The following NAV2 variants were observed in gnomAD, a reference collection of about 807,000 sequenced individuals.
NAV2 encodes the protein helicase, APC down-regulated 1.
NAV2 carries 54 observed loss-of-function variants against 223.2 expected under a neutral mutation model. That is an observed-to-expected ratio of 0.24 (90% CI 0.19 to 0.30). The LOEUF is 0.30. Among genes scored for constraint, NAV2 ranks in the 10% least tolerant of loss-of-function variants. NAV2 has a pLI of 1.00. For synonymous variants in NAV2, 1,279 were observed against 1,239.3 expected (o/e 1.03, Z -0.67); for missense variants, 2,806 against 3,147.5 (o/e 0.89, Z 2.60).
At chr11:19,410,099 A>C (rs1163744702) in intron 1 of NAV2, among the ~76,000 whole-genome samples, 5 of 152,020 alleles carry the variant, frequency 3.3e-5, no homozygotes, top group Non-Finnish European at 7.4e-5. Flanking sequence ...TTTCCACCCT[A>C]CCCATTTCCT....
At chr11:19,895,502 C>T (rs1450632126) in intron 6 of NAV2, among the ~76,000 whole-genome samples, 1 of 152,176 alleles carries the variant, frequency 6.6e-6, no homozygotes, top group Admixed American at 6.5e-5. Context: ...GGTAACTAAG[C>T]ACTGGAATTG....
intron 31 of NAV2, among the ~76,000 whole-genome samples, chr11:20,100,208 C>A (rs2061533267): frequency 6.6e-6 from 1 of 152,090 alleles, no homozygotes; most frequent in African/African-American, 2.4e-5. Flanking sequence ...CCAAAAGATA[C>A]CCCTTTTGAA....
chr11:19,362,965 C>A (rs1230447565), intron 1 of NAV2, among the ~76,000 whole-genome samples: 1 of 152,164 alleles, frequency 6.6e-6, no homozygotes, highest in African/African-American at 2.4e-5. Context: ...ATTGTCTTTA[C>A]AACAATCTGA....
At chr11:19,930,303 G>C (rs893449374) in intron 6 of NAV2, among the ~76,000 whole-genome samples, 1 of 152,088 alleles carries the variant, frequency 6.6e-6, no homozygotes, top group African/African-American at 2.4e-5. Context: ...TTCTAGCTGC[G>C]ATTGTTAGTG....
Position 19,706,726 on chromosome 11 carries a change from G to A in NAV2, c.76-125758G>A, listed in dbSNP as rs116208619. The stretch of plus-strand genomic sequence containing the variant: ...GATGGCTTGCAACAATTTATTCCTT[G>A]TATTAATTATTGAGCCACTGATTAA... On this transcript the variant is annotated intron_variant, in intron 1 of 37. Coordinates refer to the NAV2 transcript ENST00000360655. 3.6e-3 allele frequency among the ~76,000 whole-genome samples: 548 copies of A among 152,276 alleles called. 2 individuals are homozygous for A. Among genetic ancestry groups the A allele is most frequent in the African/African-American group, 0.013 (530 of 41,558 alleles).
chr11:19,973,853 T>C (rs2049466812), intron 10 of NAV2, among the ~76,000 whole-genome samples: 1 of 152,214 alleles, frequency 6.6e-6, no homozygotes, highest in Non-Finnish European at 1.5e-5. Context: ...GAATTCAGCA[T>C]GCCTAATACT....
chr11:20,116,047 A>C (rs2063062996), intron 37 of NAV2, among the ~76,000 whole-genome samples: 2 of 152,382 alleles, frequency 1.3e-5, no homozygotes, highest in South Asian at 4.1e-4. Context: ...TAAAATAAAA[A>C]GGAAGCAAAT....
chr11:19,842,319 C>T (rs747007998), intron 2 of NAV2, among the ~76,000 whole-genome samples: 7 of 152,130 alleles, frequency 4.6e-5, no homozygotes, highest in African/African-American at 1.7e-4. Flanking sequence ...TACTGTGTGG[C>T]GTTGGTCAAG....
chr11:19,934,113 C>T lies in NAV2; in HGVS notation c.1869C>T (p.Gly623=), dbSNP rs1481967648. 2 of 1,614,024 alleles carry T rather than the reference C, an allele frequency of 1.2e-6. No homozygotes were observed. The highest frequency in any genetic ancestry group is 1.7e-6 in the Non-Finnish European group (2 of 1,179,952). ...GCCTGGCGTCCTCAGAAGGAAAAGG[C>T]CCAGGAGGGACCACCCTGAACCACA... ...SSSLASSEGK[G]PGGTTLNHSI... is the part of the protein sequence containing the mutation. Residue 623 remains glycine, a synonymous_variant, in exon 7 of 38, where the codon GGC becomes GGT. Transcript: ENST00000349880.
At chr11:19,846,893 G>A (rs1283263716) in intron 3 of NAV2, among the ~76,000 whole-genome samples, 1 of 152,172 alleles carries the variant, frequency 6.6e-6, no homozygotes, top group African/African-American at 2.4e-5. Flanking sequence ...GCTTTGCCCT[G>A]TTTCAGTCTG....
chr11:20,070,978 T>C (rs185407382), intron 22 of NAV2, among the ~76,000 whole-genome samples: 1 of 152,158 alleles, frequency 6.6e-6, no homozygotes, highest in African/African-American at 2.4e-5. Flanking sequence ...TATTATACTT[T>C]AAGTTCTGGG....
At chr11:19,521,051 C>A (rs528963007) in intron 1 of NAV2, among the ~76,000 whole-genome samples, 1 of 152,338 alleles carries the variant, frequency 6.6e-6, no homozygotes, top group South Asian at 2.1e-4. Context: ...TTGGACCCTG[C>A]AAGCCTGCAT....
chr11:19,618,375 TG>T, intron 1 of NAV2, among the ~76,000 whole-genome samples: 1 of 98,880 alleles, frequency 1.0e-5, no homozygotes, highest in Non-Finnish European at 2.0e-5. Context: ...GATGGATGGA[TG>T]GATGGATGGA....
At chr11:19,627,986 G>A (rs1465836519) in intron 1 of NAV2, among the ~76,000 whole-genome samples, 1 of 151,966 alleles carries the variant, frequency 6.6e-6, no homozygotes, top group Non-Finnish European at 1.5e-5. Context: ...CCACAAGGAG[G>A]CATAAACAAA....
chr11:20,079,657 G>A (rs1320712320), intron 24 of NAV2, among the ~76,000 whole-genome samples: 1 of 152,172 alleles, frequency 6.6e-6, no homozygotes, highest in African/African-American at 2.4e-5. Flanking sequence ...CCCTAGATGA[G>A]GCAGGCATGG....
At chr11:19,580,185 T>A (rs1238525061) in intron 1 of NAV2, among the ~76,000 whole-genome samples, 2 of 152,126 alleles carry the variant, frequency 1.3e-5, no homozygotes, top group Non-Finnish European at 2.9e-5. Flanking sequence ...TTACTGTGCC[T>A]GTACCCTCGG....
At chr11:19,755,901 C>A (rs557579170) in intron 1 of NAV2, among the ~76,000 whole-genome samples, 9 of 152,326 alleles carry the variant, frequency 5.9e-5, no homozygotes, top group African/African-American at 2.2e-4. Flanking sequence ...CTGGACAGGA[C>A]AACCACCTTA....
chr11:19,700,876 T>C (rs1452113710), intron 1 of NAV2, among the ~76,000 whole-genome samples: 4 of 152,246 alleles, frequency 2.6e-5, no homozygotes, highest in Non-Finnish European at 4.4e-5. Flanking sequence ...TTATCACCAG[T>C]GACTGGCATG....
intron 1 of NAV2, among the ~76,000 whole-genome samples, chr11:19,715,599 T>G (rs1194618265): frequency 6.6e-6 from 1 of 152,220 alleles, no homozygotes; most frequent in Non-Finnish European, 1.5e-5. Flanking sequence ...CAGGCAGCTG[T>G]TCTGCCTTTG....
Sources: allele counts gnomAD v4.1 joint callset (sites outside exome capture counted in the v4.1 genomes callset), GRCh38; gene constraint gnomAD v4.1.1; transcripts MANE v1.5; gene names NCBI Gene and HGNC (gene_info 2026-07-23, HGNC 2026-07-21).